Variants in RBMS1 observed in about 807,000 individuals in gnomAD.
RBMS1 encodes the protein RNA-binding motif, single-stranded-interacting protein 1.
RBMS1 carries 17 observed loss-of-function variants against 62.3 expected under a neutral mutation model. The ratio of observed to expected loss-of-function variants is 0.27; its 90% confidence interval spans 0.19 to 0.41. The LOEUF (loss-of-function observed/expected upper bound fraction) is 0.41, where lower values mean the gene tolerates loss of function less well. Among genes scored for constraint, RBMS1 ranks in the 10% least tolerant of loss-of-function variants. The pLI, the probability that RBMS1 is intolerant of heterozygous loss-of-function variation, is 1.00. For missense variants in RBMS1, 334 were observed against 504.5 expected (o/e 0.66, Z 3.24); for synonymous variants, 172 against 170.0 (o/e 1.01, Z -0.09).
At chr2:160,403,890 T>A (rs1695557175) in intron 1 of RBMS1, among the ~76,000 whole-genome samples, 1 of 152,118 alleles carries the variant, frequency 6.6e-6, no homozygotes, top group African/African-American at 2.4e-5. Flanking sequence ...ATAAAAGAAT[T>A]CAAGAAACAA....
chr2:160,407,782 C>A (rs1274034417), intron 1 of RBMS1: 1 of 981,178 alleles, frequency 1.0e-6, no homozygotes, highest in Admixed American at 6.3e-5. Context: ...CGGGCAGCCG[C>A]CGCCCTGCGT....
chr2:160,384,622 G>A, intron 1 of RBMS1, among the ~76,000 whole-genome samples: 1 of 152,164 alleles, frequency 6.6e-6, no homozygotes, highest in Middle Eastern at 3.2e-3. Flanking sequence ...CTTGGGCAAA[G>A]CATTTAAAGC....
intron 1 of RBMS1, chr2:160,493,051 T>C (rs559852617): frequency 1.5e-5 from 7 of 476,286 alleles, no homozygotes; most frequent in Non-Finnish European, 2.6e-5. Flanking sequence ...GGCTCTTTCC[T>C]GTCTAGTCTC....
intron 1 of RBMS1, among the ~76,000 whole-genome samples, chr2:160,398,064 G>C (rs1385791314): frequency 6.6e-6 from 1 of 152,172 alleles, no homozygotes; most frequent in Admixed American, 6.5e-5. Flanking sequence ...TTCTTCCCCA[G>C]AGCTCCGGTT....
intron 1 of RBMS1, among the ~76,000 whole-genome samples, chr2:160,420,035 C>T (rs1032205194): frequency 2.6e-5 from 4 of 152,134 alleles, no homozygotes; most frequent in Admixed American, 6.5e-5. Context: ...GGAGTTTTCT[C>T]GAGCTTGAAC....
chr2:160,395,623 CAAAAAAAAAAAAA>C (rs776181927), intron 1 of RBMS1, among the ~76,000 whole-genome samples: 1 of 53,050 alleles, frequency 1.9e-5, no homozygotes, highest in African/African-American at 7.2e-5. Context: ...GACTCCGTCT[CAAAAAAAAAAAAA>C]AAAAAAAAAA....
chr2:160,427,509 GTATC>G (rs1189620333), intron 1 of RBMS1, among the ~76,000 whole-genome samples: 7 of 152,052 alleles, frequency 4.6e-5, no homozygotes, highest in African/African-American at 1.7e-4. Flanking sequence ...ATGTTTATCT[GTATC>G]TATATTTATG....
At chr2:160,439,731 C>T (rs958823315) in intron 1 of RBMS1, among the ~76,000 whole-genome samples, 124 of 152,292 alleles carry the variant, frequency 8.1e-4, no homozygotes, top group African/African-American at 2.8e-3. Flanking sequence ...TGTAGCAAGC[C>T]GAGATCATGC....
chr2:160,341,534 A>G (rs575801454), intron 2 of RBMS1, among the ~76,000 whole-genome samples: 48 of 152,234 alleles, frequency 3.2e-4, no homozygotes, highest in Non-Finnish European at 6.2e-4. Context: ...CTTCACTGTG[A>G]GGAGGGGAGA....
intron 2 of RBMS1, among the ~76,000 whole-genome samples, chr2:160,359,945 A>G (rs1693032011): frequency 6.6e-6 from 1 of 152,150 alleles, no homozygotes; most frequent in African/African-American, 2.4e-5. Context: ...GACAGTAAGA[A>G]TAACTTAAAA....
chr2:160,485,891 G>A (rs940840314), intron 1 of RBMS1, among the ~76,000 whole-genome samples: 2 of 152,060 alleles, frequency 1.3e-5, no homozygotes, highest in Admixed American at 1.3e-4. Flanking sequence ...ATTTCAGCTA[G>A]TGACTTGAAA....
chr2:160,278,802 T>G, intron 10 of RBMS1, 144 bp from the exon 11 acceptor site: 1 of 589,868 alleles, frequency 1.7e-6, no homozygotes, highest in Non-Finnish European at 3.0e-6. Context: ...AATGGCATCA[T>G]AAACAGTTTC....
chr2:160,275,405 G>A (rs1687781839), intron 13 of RBMS1: 1 of 684,660 alleles, frequency 1.5e-6, no homozygotes, highest in Non-Finnish European at 2.0e-6. Context: ...AGTGGGGAGA[G>A]TATACATTTG....
chr2:160,331,274 T>C (rs1691256444), intron 2 of RBMS1, among the ~76,000 whole-genome samples: 1 of 152,208 alleles, frequency 6.6e-6, no homozygotes, highest in South Asian at 2.1e-4. Flanking sequence ...TGTCCTGCCC[T>C]GCTCCACCTT....
chr2:160,384,140 T>G lies in RBMS1; in HGVS notation c.76-16749A>C, dbSNP rs865942594. 5.3e-5 allele frequency among the ~76,000 whole-genome samples: 8 copies of G among 152,308 alleles called. No homozygotes were observed. The South Asian group carries it at 1.5e-3, about 28-fold the overall frequency. On this transcript the variant is annotated intron_variant, in intron 1 of 13. Transcript: ENST00000348849. ...TGAACCTGGGAGGCGGAGCTTGCAG[T>G]GAGCCAAGATCGTGCCACCGCACTC...
chr2:160,305,529 A>G (rs1275952185), intron 4 of RBMS1, among the ~76,000 whole-genome samples: 3 of 152,212 alleles, frequency 2.0e-5, no homozygotes, highest in Admixed American at 6.5e-5. Flanking sequence ...AGTACACTCT[A>G]TGATGTGCAC....
At chr2:160,308,076 C>T (rs1053339976) in intron 4 of RBMS1, among the ~76,000 whole-genome samples, 1 of 152,148 alleles carries the variant, frequency 6.6e-6, no homozygotes, top group African/African-American at 2.4e-5. Context: ...GGTACCCTCC[C>T]TATCACCCAA....
In RBMS1 at chr2:160,457,130, T is replaced by A. The variant is rs180888718; in HGVS notation, c.75+36159A>T. Among the ~76,000 whole-genome samples the A allele has an allele frequency of 8.0e-4, 121 of 151,638 alleles. 2 individuals carry two copies. The highest frequency in any genetic ancestry group is 3.4e-3 in the Middle Eastern group (1 of 290). On this transcript the variant is annotated intron_variant, in intron 1 of 13. Coordinates refer to ENST00000348849, the MANE Select transcript of RBMS1 (RefSeq NM_016836.4). Reference sequence around the variant, plus strand: ...TTTATTTTTATTTATTTAATTAATTTATTTATTTATTTATTTTTGAGATGG... The same window carrying A: ...TTTATTTTTATTTATTTAATTAATTAATTTATTTATTTATTTTTGAGATGG...
intron 1 of RBMS1, among the ~76,000 whole-genome samples, chr2:160,468,807 G>A (rs1684800767): frequency 1.3e-5 from 2 of 152,332 alleles, no homozygotes; most frequent in Admixed American, 6.5e-5. Flanking sequence ...GGTCAAGAGA[G>A]ATTCAAACTC....
Sources: allele counts gnomAD v4.1 joint callset (sites outside exome capture counted in the v4.1 genomes callset), GRCh38; gene constraint gnomAD v4.1.1; transcripts MANE v1.5; gene names NCBI Gene and HGNC (gene_info 2026-07-23, HGNC 2026-07-21).